The following AHR variants were observed in gnomAD, a reference collection of about 807,000 sequenced individuals.
AHR encodes the protein AH-receptor.
AHR carries 40 observed loss-of-function variants against 86.8 expected under a neutral mutation model. The ratio of observed to expected loss-of-function variants is 0.46; its 90% CI spans 0.36 to 0.60. The LOEUF (loss-of-function observed/expected upper bound fraction) is 0.60. AHR is among the 20% of genes least tolerant of loss of function. AHR has a pLI of 0.00. For synonymous variants in AHR, 398 were observed against 354.9 expected, an observed-to-expected ratio of 1.12 and a Z score of -1.37; for missense variants, 1,001 against 1,011.6, an observed-to-expected ratio of 0.99 and a Z score of 0.14.
chr7:17,331,002 C>G, intron 6 of AHR, 116 bp downstream of exon 6: 1 of 1,145,178 alleles, frequency 8.7e-7, no homozygotes, highest in Admixed American at 2.5e-5. Context: ...TCAGGCAACC[C>G]TCAGAACCAG....
At position 17,303,659 on chromosome 7, in the gene AHR, A is replaced by G. The variant is rs1397070097; in HGVS notation, c.65+4330A>G. 5.3e-5 allele frequency among the ~76,000 whole-genome samples: 8 copies of G among 152,008 alleles called. No homozygotes were observed. In the East Asian group the frequency reaches 1.5e-3, roughly 29 times the overall value. On this transcript the variant is annotated intron_variant, in intron 1 of 10. Coordinates refer to ENST00000242057, the MANE Select transcript of AHR (RefSeq NM_001621.5). ...TTTTTTTAACTGTTTTTCTTTTGGGAGGAAATTTTATTCCCAACCATTTAA... is the reference window on the plus strand; with the variant it reads ...TTTTTTTAACTGTTTTTCTTTTGGGGGGAAATTTTATTCCCAACCATTTAA...
Position 17,316,506 on chromosome 7 carries a change from A to G in AHR, c.254-5995A>G, listed in dbSNP as rs535262572. On this transcript the variant is annotated intron_variant, in intron 2 of 10. Coordinates refer to ENST00000242057, the MANE Select transcript of AHR (RefSeq NM_001621.5). ...GGTGGTGTACTTCTGTATCCCAGTT[A>G]TTCGTGACACTGAGGTGGGAAGATA... Among the ~76,000 whole-genome samples, 16 of 152,234 alleles carry G rather than the reference A, an allele frequency of 1.1e-4. No individual in the cohort carries two copies. In the South Asian group the frequency reaches 3.3e-3, roughly 32 times the overall value.
intron 9 of AHR, among the ~76,000 whole-genome samples, chr7:17,337,631 C>T (rs531258564): frequency 1.6e-4 from 25 of 151,688 alleles, no homozygotes; most frequent in Admixed American, 9.2e-4. Context: ...CCCGCCACTA[C>T]GCCCGGCTAA....
chr7:17,329,823 T>C (rs370942426), intron 4 of AHR, 129 bp from the exon 5 acceptor site: 1 of 798,246 alleles, frequency 1.3e-6, no homozygotes, highest in African/African-American at 1.8e-5. Context: ...CTAGGGAATT[T>C]TAGGAATCAT....
chr7:17,327,858 T>C lies in AHR; in HGVS notation c.450+10T>C. 1.6e-6 allele frequency: 2 copies of C among 1,215,630 alleles called. No individual in the cohort carries two copies. The highest frequency in any genetic ancestry group is 2.2e-6 in the Non-Finnish European group (2 of 900,416). 75.3% of individuals were successfully genotyped at this position (1,215,630 alleles called of 1,614,324 possible). A position where few individuals can be genotyped will look rare whatever the true frequency, so the allele number is the denominator to read the frequency against. Reference sequence around the variant, plus strand: ...TCTAGGGTTTCAGCAGGTAAGTATATATTATTTATATCATTTATATTATTA... The same window carrying C: ...TCTAGGGTTTCAGCAGGTAAGTATACATTATTTATATCATTTATATTATTA... On this transcript the variant is annotated intron_variant, in intron 4 of 10. Coordinates refer to ENST00000242057, the MANE Select transcript of AHR (RefSeq NM_001621.5).
chr7:17,299,505 C>G (rs1177176676), intron 1 of AHR, 176 bp downstream of exon 1: 2 of 721,084 alleles, frequency 2.8e-6, no homozygotes, highest in African/African-American at 1.8e-5. Context: ...TTGGATTCTC[C>G]CGTTTTCAAT....
At chr7:17,299,851 G>A (rs929918996) in intron 1 of AHR, among the ~76,000 whole-genome samples, 9 of 152,214 alleles carry the variant, frequency 5.9e-5, no homozygotes, top group Non-Finnish European at 1.0e-4. Flanking sequence ...AACTGGCTTT[G>A]TGTTGCGCTC....
At chr7:17,303,733 A>G (rs924743592) in intron 1 of AHR, among the ~76,000 whole-genome samples, 9 of 152,180 alleles carry the variant, frequency 5.9e-5, no homozygotes, top group African/African-American at 2.2e-4. Flanking sequence ...ATTTTAATGC[A>G]AATTTATTTT....
chr7:17,309,214 A>G (rs1782037068), intron 1 of AHR, among the ~76,000 whole-genome samples: 1 of 152,190 alleles, frequency 6.6e-6, no homozygotes, highest in African/African-American at 2.4e-5. Context: ...GAACTTTCTA[A>G]TTGAGACACA....
At chr7:17,309,591 T>C (rs376064919) in intron 1 of AHR, among the ~76,000 whole-genome samples, 1 of 152,212 alleles carries the variant, frequency 6.6e-6, no homozygotes, top group Non-Finnish European at 1.5e-5. Context: ...CAAATTTCTC[T>C]TTTTAATTTT....
chr7:17,323,850 C>T (rs1400600909), intron 3 of AHR, among the ~76,000 whole-genome samples: 1 of 152,132 alleles, frequency 6.6e-6, no homozygotes, highest in Non-Finnish European at 1.5e-5. Context: ...CATAAAGACT[C>T]CTTATTCAGG....
chr7:17,303,074 C>T (rs1172941947), intron 1 of AHR, among the ~76,000 whole-genome samples: 2 of 151,962 alleles, frequency 1.3e-5, no homozygotes, highest in African/African-American at 4.8e-5. Context: ...TCTTTTACAA[C>T]AGTACCTTTC....
In AHR at chr7:17,298,949, C is replaced by G. The variant is rs1781921587; in HGVS notation, c.-316C>G. 2.3e-6 allele frequency: 1 copy of G among 441,130 alleles called. No individual in the cohort carries two copies. Among genetic ancestry groups the G allele is most frequent in the Middle Eastern group, 5.6e-4 (1 of 1,794 alleles). The allele number at this position is 441,130 out of a possible 1,614,324, so 27.3% of individuals were successfully genotyped here. ...CTCCTCCTCCGCCCGGGCCGCCTCACCTGCGGGCATTGCCGCGCCGCCTCC... is the reference window on the plus strand; with the variant it reads ...CTCCTCCTCCGCCCGGGCCGCCTCAGCTGCGGGCATTGCCGCGCCGCCTCC... On this transcript the variant is annotated 5_prime_UTR_variant, in exon 1 of 11. Transcript: ENST00000242057.
rs752115602 is a variant in AHR at position 17,329,937 on chromosome 7, A to G, written c.451-15A>G. 1.8e-5 allele frequency: 29 copies of G among 1,594,868 alleles called. No individual in the cohort carries two copies. The highest frequency in any genetic ancestry group is 2.2e-5 in the Non-Finnish European group (26 of 1,172,446). On this transcript the variant is annotated splice_polypyrimidine_tract_variant and intron_variant, in intron 4 of 10. Transcript: ENST00000242057. ...TCAGTCCTTTTGTTGTATTCCTTGT[A>G]TCTTTTTTCTTTAGTCTGATGTCAT...
rs1478873012 is a variant in AHR, at chr7:17,298,712, G to C, written c.-553G>C. The C allele has an allele frequency of 2.5e-6, 1 of 396,888 alleles. No homozygotes were observed. The highest frequency in any genetic ancestry group is 4.4e-6 in the Non-Finnish European group (1 of 225,222). 24.6% of individuals were successfully genotyped at this position (396,888 alleles called of 1,614,324 possible). On this transcript the variant is annotated 5_prime_UTR_variant, in exon 1 of 11. Transcript: ENST00000242057. ...GAGCGTGCCCCGGACCGCCAGCTCA[G>C]AACAGGGGCAGCCGTGTAGCCGAAC...
intron 10 of AHR, 29 bp from the exon 11 acceptor site, chr7:17,342,892 A>T: frequency 6.2e-7 from 1 of 1,604,850 alleles, no homozygotes; most frequent in Non-Finnish European, 8.5e-7. Flanking sequence ...ATCTATTCCA[A>T]TAAGTTGCAT....
intron 3 of AHR, among the ~76,000 whole-genome samples, chr7:17,327,170 A>G (rs1782238779): frequency 6.6e-6 from 1 of 152,082 alleles, no homozygotes; most frequent in South Asian, 2.1e-4. Context: ...AAATTTAGGT[A>G]TGTGTTCATA....
intron 9 of AHR, among the ~76,000 whole-genome samples, chr7:17,337,381 G>A (rs1408106770): frequency 6.6e-6 from 1 of 151,082 alleles, no homozygotes; most frequent in Non-Finnish European, 1.5e-5. Context: ...GTTCATATTT[G>A]TATACATTTG....
chr7:17,300,120 T>A (rs1032693060), intron 1 of AHR, among the ~76,000 whole-genome samples: 14 of 152,206 alleles, frequency 9.2e-5, no homozygotes, highest in African/African-American at 3.4e-4. Context: ...CTTCAAAGTT[T>A]TCTTCTAGTT....
Sources: allele counts gnomAD v4.1 joint callset (sites outside exome capture counted in the v4.1 genomes callset), GRCh38; gene constraint gnomAD v4.1.1; transcripts MANE v1.5; gene names NCBI Gene and HGNC (gene_info 2026-07-23, HGNC 2026-07-21).